DST: variants seen among roughly 807,000 people sequenced by gnomAD.
The protein encoded by DST is dystonin, also known as bullous pemphigoid antigen.
DST carries 253 observed loss-of-function variants against 875.2 expected under a neutral mutation model. The observed-to-expected ratio is 0.29, with a 90% CI of 0.26 to 0.32. The LOEUF (loss-of-function observed/expected upper bound fraction) is 0.32, where lower values mean the gene tolerates loss of function less well. Among genes scored for constraint, DST ranks in the 10% least tolerant of loss-of-function variants. The probability of loss-of-function intolerance (pLI) is 1.00; values close to 1 mark genes in which losing one functional copy is unlikely to be tolerated. For missense variants in DST, 8,287 were observed against 9,111.6 expected, an observed-to-expected ratio of 0.91 and a Z score of 3.68; for synonymous variants, 3,124 against 3,197.1, an observed-to-expected ratio of 0.98 and a Z score of 0.77.
intron 4 of DST, among the ~76,000 whole-genome samples, chr6:56,740,881 CT>C (rs1589454471): frequency 6.6e-6 from 1 of 151,900 alleles, no homozygotes; most frequent in Non-Finnish European, 1.5e-5. Context: ...ACCAAGGCCC[CT>C]GATGCTAAAT....
At chr6:56,849,855 A>G (rs1764157971) in intron 4 of DST, among the ~76,000 whole-genome samples, 1 of 152,228 alleles carries the variant, frequency 6.6e-6, no homozygotes, top group South Asian at 2.1e-4. Flanking sequence ...CAAAAAATAC[A>G]TAGAACAGGT....
At chr6:56,648,262 C>T (rs1036626030) in intron 13 of DST, among the ~76,000 whole-genome samples, 3 of 152,066 alleles carry the variant, frequency 2.0e-5, no homozygotes, top group South Asian at 2.1e-4. Flanking sequence ...CAAGCCATCT[C>T]GGGGGCTGCA....
chr6:56,618,481 T>C lies in DST; in HGVS notation c.4930-3997A>G, dbSNP rs141945514. ...ATTGATGTTCATGCTCTTTGATCTG[T>C]TGGTCCATTTTTTGCTTCAGGTTTT... On this transcript the variant is annotated intron_variant, in intron 36 of 103. Transcript: ENST00000680361. 1.4e-4 allele frequency: 220 copies of C among 1,614,210 alleles called. No homozygotes were observed. In the African/African-American group the frequency reaches 2.4e-3, roughly 18 times the overall value.
chr6:56,480,798 C>T (rs1268139985), intron 90 of DST, among the ~76,000 whole-genome samples: 1 of 152,062 alleles, frequency 6.6e-6, no homozygotes, highest in Non-Finnish European at 1.5e-5. Context: ...AAATAGGCTC[C>T]TTTCTGTAGG....
chr6:56,923,463 C>CA (rs57118743), intron 2 of DST, among the ~76,000 whole-genome samples: 2,705 of 48,076 alleles, frequency 0.056, 207 homozygotes, highest in African/African-American at 0.091. Flanking sequence ...GGCTCACTGG[C>CA]AAAAAAAAAA....
At chr6:56,879,218 C>T (rs1780868873) in intron 3 of DST, among the ~76,000 whole-genome samples, 1 of 152,154 alleles carries the variant, frequency 6.6e-6, no homozygotes, top group African/African-American at 2.4e-5. Flanking sequence ...CCTGTAATCC[C>T]AGCACTTTGG....
intron 4 of DST, among the ~76,000 whole-genome samples, chr6:56,822,109 G>A (rs1380263910): frequency 6.6e-6 from 1 of 152,158 alleles, no homozygotes; most frequent in Non-Finnish European, 1.5e-5. Flanking sequence ...TTTATTTAAA[G>A]AGAAAAGGAG....
At chr6:56,747,506 T>G (rs1328445616) in intron 4 of DST, among the ~76,000 whole-genome samples, 1 of 152,224 alleles carries the variant, frequency 6.6e-6, no homozygotes, top group Non-Finnish European at 1.5e-5. Context: ...CTGAGCATCC[T>G]AAAAACATAT....
At chr6:56,921,861 A>G (rs1186453621) in intron 2 of DST, among the ~76,000 whole-genome samples, 1 of 152,194 alleles carries the variant, frequency 6.6e-6, no homozygotes, top group African/African-American at 2.4e-5. Flanking sequence ...TAAATGGACT[A>G]TAACCATAGA....
In DST at chr6:56,530,464, T is replaced by G. The variant is rs145457635; in HGVS notation, c.17109-331A>C. ...TAATAGTAACGACAACAGGTAAAAT[T>G]TATTGAACACATATTCTGTGCCAGG... On this transcript the variant is annotated intron_variant, in intron 64 of 103. Transcript: ENST00000680361. Among the ~76,000 whole-genome samples the G allele has an allele frequency of 2.9e-3, 435 of 152,282 alleles. 2 individuals carry two copies. The highest frequency in any genetic ancestry group is 5.2e-3 in the Non-Finnish European group (351 of 68,008).
At chr6:56,833,656 C>CA (rs2099790083) in intron 4 of DST, among the ~76,000 whole-genome samples, 1 of 151,968 alleles carries the variant, frequency 6.6e-6, no homozygotes, top group Non-Finnish European at 1.5e-5. Flanking sequence ...TTGCTGAACT[C>CA]AGAGTCACCA....
chr6:56,660,690 A>G (rs2099035346), intron 10 of DST, among the ~76,000 whole-genome samples: 1 of 151,484 alleles, frequency 6.6e-6, no homozygotes, highest in East Asian at 1.9e-4. Context: ...ATTTGGGCAC[A>G]GATTAGCAAC....
At chr6:56,471,990 G>T in intron 94 of DST, 69 bp downstream of exon 94, 1 of 1,489,270 alleles carries the variant, frequency 6.7e-7, no homozygotes, top group Non-Finnish European at 9.4e-7. Context: ...CAAGATTTTG[G>T]CAATGGCAAT....
chr6:56,836,004 A>G (rs1176010470), intron 4 of DST, among the ~76,000 whole-genome samples: 2 of 152,220 alleles, frequency 1.3e-5, no homozygotes. Flanking sequence ...GCTCATGTTA[A>G]AATTTTATTG....
intron 3 of DST, among the ~76,000 whole-genome samples, chr6:56,881,197 A>T (rs970675218): frequency 2.6e-5 from 4 of 152,010 alleles, no homozygotes; most frequent in African/African-American, 4.8e-5. Context: ...AAATAAGGCC[A>T]GGCACGGTGG....
At chr6:56,707,509 A>C (rs542817604) in intron 5 of DST, among the ~76,000 whole-genome samples, 97 of 152,206 alleles carry the variant, frequency 6.4e-4, no homozygotes, top group Non-Finnish European at 1.3e-3. Context: ...CAGTACACAG[A>C]AGGACAGTAG....
chr6:56,883,313 C>G (rs1049186332), intron 3 of DST, among the ~76,000 whole-genome samples: 34 of 152,320 alleles, frequency 2.2e-4, no homozygotes, highest in African/African-American at 7.7e-4. Context: ...AATTCCTTGT[C>G]TATTTTATAT....
At position 56,586,778 on chromosome 6, in the gene DST, G is replaced by A. The variant is rs150701393; in HGVS notation, c.12903+5404C>T. On this transcript the variant is annotated intron_variant, in intron 49 of 103. Transcript: ENST00000680361. ...GAAAATCCGCTCTTCTGCAGACACCGCTGCTGATACCCAGGCAAACAGGGT... is the reference window on the plus strand; with the variant it reads ...GAAAATCCGCTCTTCTGCAGACACCACTGCTGATACCCAGGCAAACAGGGT... Among the ~76,000 whole-genome samples, 156 of 152,272 alleles carry A rather than the reference G, an allele frequency of 1.0e-3. 1 individual carries two copies. In the East Asian group the frequency reaches 0.027, roughly 27 times the overall value.
In DST at chr6:56,482,706, G is replaced by A. The variant is rs749154692; in HGVS notation, c.21379C>T (p.Arg7127Trp). ...VCALSISKQT[R>W]LEAALRQAEE... Reference sequence around the variant, plus strand: ...ACCTGACGCAGGGCTGCTTCTAACCGTGTTTGCTTTGATATAGAAAGTGCA... The same window carrying A: ...ACCTGACGCAGGGCTGCTTCTAACCATGTTTGCTTTGATATAGAAAGTGCA... Residue 7127 changes from arginine to tryptophan, a missense_variant, in exon 89 of 104, where the codon CGG (arginine) becomes TGG (tryptophan). Arg to Trp is a moderately radical substitution (Grantham distance 101). Around this residue, in one of 10 missense-constraint regions of DST, gnomAD observed 1,292 missense variants for 1,552.7 expected, o/e 0.83. Coordinates refer to ENST00000680361, the MANE Select transcript of DST (RefSeq NM_001374736.1). 4.6e-5 allele frequency: 74 copies of A among 1,613,436 alleles called. No individual in the cohort carries two copies. The Admixed American group carries it at 7.0e-4, about 15-fold the overall frequency.
Sources: allele counts gnomAD v4.1 joint callset (sites outside exome capture counted in the v4.1 genomes callset), GRCh38; gene constraint gnomAD v4.1.1; regional missense constraint gnomAD v4.1.1; transcripts MANE v1.5; gene names NCBI Gene and HGNC (gene_info 2026-07-23, HGNC 2026-07-21).